EEF1AKMT1: variants seen among roughly 807,000 people sequenced by gnomAD.
EEF1AKMT1 encodes N-6 adenine-specific DNA methyltransferase 2 (putative).
In EEF1AKMT1, 18 loss-of-function variants were observed where a neutral mutation model predicts 21.0. That is an observed-to-expected ratio of 0.86 (90% CI 0.59 to 1.27). The LOEUF (loss-of-function observed/expected upper bound fraction) is 1.27. EEF1AKMT1 is among the 50% of genes most tolerant of loss of function. The pLI is 0.00. For missense variants in EEF1AKMT1, 246 were observed against 258.6 expected (o/e 0.95, Z 0.33); for synonymous variants, 109 against 94.8 (o/e 1.15, Z -0.87).
At chr13:20,731,801 C>T (rs773436390) in intron 4 of EEF1AKMT1, 40 bp downstream of exon 4, 9 of 1,576,102 alleles carry the variant, frequency 5.7e-6, no homozygotes, top group Admixed American at 1.8e-5. Context: ...TGAATAGCCA[C>T]TGTCAGTGAC....
intron 1 of EEF1AKMT1, among the ~76,000 whole-genome samples, chr13:20,765,536 C>T (rs2059026075): frequency 6.6e-6 from 1 of 150,526 alleles, no homozygotes; most frequent in South Asian, 2.1e-4. Flanking sequence ...CCTCAGCCTC[C>T]CCAGTGGCTG....
At chr13:20,732,807 T>A (rs1390563814) in intron 3 of EEF1AKMT1, among the ~76,000 whole-genome samples, 3 of 152,240 alleles carry the variant, frequency 2.0e-5, no homozygotes, top group Admixed American at 1.3e-4. Context: ...CCCAACTAAA[T>A]ACTATAAAGT....
In EEF1AKMT1 at chr13:20,748,726, G is replaced by T. The variant is rs12864906; in HGVS notation, c.144+8729C>A. Among the ~76,000 whole-genome samples the T allele has an allele frequency of 3.7e-3, 272 of 72,560 alleles. 4 individuals are homozygous for T. The highest frequency in any genetic ancestry group is 4.1e-3 in the Non-Finnish European group (181 of 44,470). 47.6% of individuals were successfully genotyped at this position (72,560 alleles called of 152,430 possible). A position where few individuals can be genotyped will look rare whatever the true frequency, so the allele number is the denominator to read the frequency against. On this transcript the variant is annotated intron_variant, in intron 2 of 4. Coordinates refer to ENST00000382758, the MANE Select transcript of EEF1AKMT1 (RefSeq NM_001318939.2). ...CCTAATGTATAGTTGTTTTTTTTTGGTTTTTTTTTTTTTTTTTTTTTGAGA... is the reference window on the plus strand; with the variant it reads ...CCTAATGTATAGTTGTTTTTTTTTGTTTTTTTTTTTTTTTTTTTTTTGAGA...
chr13:20,734,971 T>C (rs768865927), intron 3 of EEF1AKMT1, among the ~76,000 whole-genome samples: 1 of 152,174 alleles, frequency 6.6e-6, no homozygotes, highest in African/African-American at 2.4e-5. Context: ...TGCTCCCTCA[T>C]GAAAGCCCAC....
intron 3 of EEF1AKMT1, among the ~76,000 whole-genome samples, chr13:20,737,453 A>G (rs2058832598): frequency 1.3e-5 from 2 of 152,232 alleles, no homozygotes; most frequent in African/African-American, 4.8e-5. Flanking sequence ...AAGGTAAGAT[A>G]TTCTCTTTTG....
chr13:20,742,469 T>C (rs2058877112), intron 2 of EEF1AKMT1, among the ~76,000 whole-genome samples: 1 of 152,228 alleles, frequency 6.6e-6, no homozygotes, highest in African/African-American at 2.4e-5. Flanking sequence ...GACTGAGTTA[T>C]TCCTGTGATG....
intron 2 of EEF1AKMT1, among the ~76,000 whole-genome samples, chr13:20,743,941 C>T (rs1195930799): frequency 5.9e-5 from 9 of 151,984 alleles, no homozygotes; most frequent in Non-Finnish European, 1.0e-4. Context: ...TGAGAACAAG[C>T]GGTGTTTGGT....
intron 1 of EEF1AKMT1, among the ~76,000 whole-genome samples, chr13:20,765,762 C>G (rs1414923491): frequency 6.6e-6 from 1 of 151,408 alleles, no homozygotes; most frequent in East Asian, 1.9e-4. Flanking sequence ...ATATATGTTT[C>G]TTGAATTTTT....
At chr13:20,755,388 A>T (rs2058966506) in intron 2 of EEF1AKMT1, among the ~76,000 whole-genome samples, 1 of 152,240 alleles carries the variant, frequency 6.6e-6, no homozygotes, top group South Asian at 2.1e-4. Flanking sequence ...CAAAGCCATC[A>T]CGTGGTCTCC....
chr13:20,751,089 A>G (rs1377939842), intron 2 of EEF1AKMT1, among the ~76,000 whole-genome samples: 3 of 152,200 alleles, frequency 2.0e-5, no homozygotes, highest in Non-Finnish European at 4.4e-5. Context: ...CCCTTGTCAG[A>G]TGAATAGTTT....
chr13:20,772,333 A>G (rs1046372050), intron 1 of EEF1AKMT1, among the ~76,000 whole-genome samples: 1 of 152,186 alleles, frequency 6.6e-6, no homozygotes, highest in African/African-American at 2.4e-5. Flanking sequence ...CTCAGACTCT[A>G]AATCAGCAGT....
At chr13:20,732,885 TAA>T (rs1415152394) in intron 3 of EEF1AKMT1, among the ~76,000 whole-genome samples, 2 of 152,208 alleles carry the variant, frequency 1.3e-5, no homozygotes, top group Non-Finnish European at 2.9e-5. Flanking sequence ...CAGTTTTCCA[TAA>T]AGATACATTA....
chr13:20,738,934 C>T (rs1023374649), intron 2 of EEF1AKMT1, among the ~76,000 whole-genome samples: 1 of 152,178 alleles, frequency 6.6e-6, no homozygotes, highest in Admixed American at 6.5e-5. Flanking sequence ...TTGGTGGGTT[C>T]TTGGTCTCAC....
intron 2 of EEF1AKMT1, among the ~76,000 whole-genome samples, chr13:20,740,790 G>A (rs1341664606): frequency 6.6e-6 from 1 of 152,148 alleles, no homozygotes; most frequent in East Asian, 1.9e-4. Flanking sequence ...GCGACAGAGG[G>A]AGACTCAGTC....
intron 1 of EEF1AKMT1, among the ~76,000 whole-genome samples, chr13:20,767,588 TGGTTTTTAA>T (rs2141440579): frequency 6.6e-6 from 1 of 152,220 alleles, no homozygotes; most frequent in Admixed American, 6.5e-5. Context: ...TCTTTTCTAA[TGGTTTTTAA>T]GGTTTTTCTC....
At chr13:20,768,659 T>G (rs1211030663) in intron 1 of EEF1AKMT1, among the ~76,000 whole-genome samples, 1 of 152,122 alleles carries the variant, frequency 6.6e-6, no homozygotes, top group African/African-American at 2.4e-5. Flanking sequence ...TCTTCCAATG[T>G]GGCCCAGGGA....
chr13:20,773,652 G>A (rs545859476), intron 1 of EEF1AKMT1, among the ~76,000 whole-genome samples: 1 of 152,360 alleles, frequency 6.6e-6, no homozygotes, highest in African/African-American at 2.4e-5. Flanking sequence ...TAAGGCCCGG[G>A]CGCCAACGTG....
intron 2 of EEF1AKMT1, among the ~76,000 whole-genome samples, chr13:20,756,437 T>C (rs1202771536): frequency 2.0e-5 from 3 of 152,264 alleles, no homozygotes; most frequent in Non-Finnish European, 4.4e-5. Context: ...AATTTTTCAA[T>C]ACATGTTTAA....
chr13:20,742,987 TCTC>T (rs2058880803), intron 2 of EEF1AKMT1, among the ~76,000 whole-genome samples: 1 of 151,854 alleles, frequency 6.6e-6, no homozygotes, highest in Non-Finnish European at 1.5e-5. Context: ...TTATCAATCT[TCTC>T]CTTTATGATT....
Sources: allele counts gnomAD v4.1 joint callset (sites outside exome capture counted in the v4.1 genomes callset), GRCh38; gene constraint gnomAD v4.1.1; transcripts MANE v1.5; gene names NCBI Gene and HGNC (gene_info 2026-07-23, HGNC 2026-07-21).